Variants in FAM168A observed in about 807,000 individuals in gnomAD.
The protein encoded by FAM168A is family with sequence similarity 168 member A, also known as protein FAM168A.
In FAM168A, 3 loss-of-function variants were observed where a neutral mutation model predicts 28.5. That is an observed-to-expected ratio of 0.11 (90% CI 0.05 to 0.27). The LOEUF is 0.27. Among genes scored for constraint, FAM168A ranks in the 10% least tolerant of loss-of-function variants. FAM168A has a pLI of 1.00. For synonymous variants in FAM168A, 122 were observed against 124.2 expected, an observed-to-expected ratio of 0.98 and a Z score of 0.12; for missense variants, 222 against 311.5, an observed-to-expected ratio of 0.71 and a Z score of 2.16.
chr11:73,467,823 G>C, intron 2 of FAM168A, among the ~76,000 whole-genome samples: 1 of 152,234 alleles, frequency 6.6e-6, no homozygotes, highest in East Asian at 1.9e-4. Flanking sequence ...CTGGTTACTG[G>C]AAATTAATTT....
At chr11:73,556,115 C>T (rs966633326) in intron 1 of FAM168A, among the ~76,000 whole-genome samples, 4 of 151,788 alleles carry the variant, frequency 2.6e-5, no homozygotes, top group Admixed American at 2.6e-4. Context: ...GAAGCAGACG[C>T]AGGAGGATCA....
At chr11:73,444,586 A>C (rs1222705001) in intron 2 of FAM168A, among the ~76,000 whole-genome samples, 1 of 152,348 alleles carries the variant, frequency 6.6e-6, no homozygotes, top group South Asian at 2.1e-4. Context: ...CTCTTTAAAA[A>C]ATTGTAAATG....
intron 2 of FAM168A, among the ~76,000 whole-genome samples, chr11:73,453,803 G>T (rs1413513236): frequency 6.6e-6 from 1 of 152,160 alleles, no homozygotes; most frequent in Non-Finnish European, 1.5e-5. Context: ...ATGCAGCACA[G>T]CCAAAAGCTC....
intron 1 of FAM168A, among the ~76,000 whole-genome samples, chr11:73,512,956 G>A (rs1256595371): frequency 1.3e-5 from 2 of 152,042 alleles, no homozygotes; most frequent in East Asian, 3.9e-4. Flanking sequence ...AGACACACTA[G>A]CAAACTCGTC....
intron 1 of FAM168A, among the ~76,000 whole-genome samples, chr11:73,571,724 A>T (rs1210778542): frequency 6.6e-6 from 1 of 150,970 alleles, no homozygotes; most frequent in Non-Finnish European, 1.5e-5. Context: ...GGATGTGAGG[A>T]GCCCCTCTGC....
At chr11:73,552,598 T>G (rs1266028905) in intron 1 of FAM168A, among the ~76,000 whole-genome samples, 4 of 152,182 alleles carry the variant, frequency 2.6e-5, no homozygotes, top group Non-Finnish European at 5.9e-5. Context: ...CCTTTCTATC[T>G]AGTACTTAGC....
At chr11:73,467,738 AAC>A (rs1476914783) in intron 2 of FAM168A, among the ~76,000 whole-genome samples, 1 of 152,188 alleles carries the variant, frequency 6.6e-6, no homozygotes, top group Non-Finnish European at 1.5e-5. Flanking sequence ...AAGTTGCTGG[AAC>A]ACTCTGAACT....
At chr11:73,545,042 T>C (rs1375353923) in intron 1 of FAM168A, among the ~76,000 whole-genome samples, 2 of 116,650 alleles carry the variant, frequency 1.7e-5, no homozygotes, top group Non-Finnish European at 3.2e-5. Flanking sequence ...ATATATATTT[T>C]TTGGAGACAG....
At chr11:73,558,467 TCTA>T (rs1943915160) in intron 1 of FAM168A, among the ~76,000 whole-genome samples, 1 of 105,292 alleles carries the variant, frequency 9.5e-6, no homozygotes, top group African/African-American at 4.2e-5. Context: ...AGACCCTGTC[TCTA>T]AAAAAAAAAA....
intron 1 of FAM168A, among the ~76,000 whole-genome samples, chr11:73,547,011 G>A (rs1353067608): frequency 1.3e-5 from 2 of 150,642 alleles, no homozygotes; most frequent in East Asian, 1.9e-4. Context: ...AATGGGCTGC[G>A]CACAGTGACT....
chr11:73,427,928 A>G (rs950134326), intron 3 of FAM168A, among the ~76,000 whole-genome samples: 1 of 151,492 alleles, frequency 6.6e-6, no homozygotes, highest in African/African-American at 2.4e-5. Context: ...TTCCAGTCCT[A>G]CTCCTTCCTG....
chr11:73,567,668 T>C (rs1418895652), intron 1 of FAM168A, among the ~76,000 whole-genome samples: 1 of 152,186 alleles, frequency 6.6e-6, no homozygotes, highest in Non-Finnish European at 1.5e-5. Flanking sequence ...ACTTGATATG[T>C]CTTGTTTCTA....
intron 1 of FAM168A, among the ~76,000 whole-genome samples, chr11:73,594,477 A>G (rs1031660718): frequency 2.6e-5 from 4 of 152,108 alleles, no homozygotes; most frequent in African/African-American, 9.7e-5. Context: ...ATTCAGTGGT[A>G]TTAACTATGT....
chr11:73,481,366 C>T lies in FAM168A; in HGVS notation c.-18-12874G>A, dbSNP rs150593869. Among the ~76,000 whole-genome samples, 95 of 152,318 alleles carry T rather than the reference C, an allele frequency of 6.2e-4. 1 individual carries two copies. The East Asian group carries it at 0.016, about 25-fold the overall frequency. On this transcript the variant is annotated intron_variant, in intron 1 of 7. Coordinates refer to ENST00000356467, the MANE Select transcript of FAM168A (RefSeq NM_015159.3). ...GTTTTGTCTTGATCAGACTTTCATCCCTAATACCTAGCACAGTCAGGCACA... is the reference window on the plus strand; with the variant it reads ...GTTTTGTCTTGATCAGACTTTCATCTCTAATACCTAGCACAGTCAGGCACA...
chr11:73,462,889 GGAGAA>G (rs957922094), intron 2 of FAM168A, among the ~76,000 whole-genome samples: 65 of 146,896 alleles, frequency 4.4e-4, no homozygotes, highest in East Asian at 4.3e-3. Context: ...AGAGAGGAGA[GGAGAA>G]GAGAAGAGAA....
At position 73,402,941 on chromosome 11, in the gene FAM168A, TC is replaced by T. The variant is rs1399874194; in HGVS notation, c.*3821del. The T allele has an allele frequency of 4.6e-5, 7 of 152,184 alleles. No homozygotes were observed. The highest frequency in any genetic ancestry group is 1.3e-4 in the Admixed American group (2 of 15,276). The allele number at this position is 152,184 out of a possible 1,614,324, so 9.4% of individuals were successfully genotyped here. A position where few individuals can be genotyped will look rare whatever the true frequency, so the allele number is the denominator to read the frequency against. On this transcript the variant is annotated 3_prime_UTR_variant, in exon 8 of 8. Transcript: ENST00000356467. Reference sequence around the variant, plus strand: ...AGCTCTATAAAGTACAGTTAGCCCCTCCCTCCATGCTTGCCAAGAGACCCAG... The same window carrying T: ...AGCTCTATAAAGTACAGTTAGCCCCTCCTCCATGCTTGCCAAGAGACCCAG...
intron 1 of FAM168A, among the ~76,000 whole-genome samples, chr11:73,581,336 A>G (rs1175409845): frequency 6.6e-6 from 1 of 152,274 alleles, no homozygotes; most frequent in Non-Finnish European, 1.5e-5. Context: ...GGCTTGGAAA[A>G]AAACAGAATA....
At chr11:73,456,977 T>C (rs1031716809) in intron 2 of FAM168A, among the ~76,000 whole-genome samples, 1 of 152,212 alleles carries the variant, frequency 6.6e-6, no homozygotes, top group African/African-American at 2.4e-5. Flanking sequence ...CTGACAGCCA[T>C]GGTTTCAACC....
At chr11:73,488,231 A>G (rs2134604427) in intron 1 of FAM168A, among the ~76,000 whole-genome samples, 1 of 152,000 alleles carries the variant, frequency 6.6e-6, no homozygotes, top group South Asian at 2.1e-4. Flanking sequence ...CCTGGGTTCA[A>G]GCAATTCTCC....
Sources: allele counts gnomAD v4.1 joint callset (sites outside exome capture counted in the v4.1 genomes callset), GRCh38; gene constraint gnomAD v4.1.1; transcripts MANE v1.5; gene names NCBI Gene and HGNC (gene_info 2026-07-23, HGNC 2026-07-21).